Variants in TRDMT1 observed in about 807,000 individuals in gnomAD.
The protein encoded by TRDMT1 is tRNA aspartic acid methyltransferase 1, also known as tRNA (cytosine(38)-C(5))-methyltransferase.
In TRDMT1, 49 loss-of-function variants were observed where a neutral mutation model predicts 51.2. That is an observed-to-expected ratio of 0.96 (90% CI 0.76 to 1.21). The LOEUF (loss-of-function observed/expected upper bound fraction) is 1.21. TRDMT1 is among the 50% of genes most tolerant of loss of function. TRDMT1 has a pLI of 0.00. For synonymous variants in TRDMT1, 187 were observed against 164.6 expected (o/e 1.14, Z -1.04); for missense variants, 534 against 462.3 (o/e 1.16, Z -1.42).
chr10:17,184,268 G>A (rs752522395), intron 1 of TRDMT1, among the ~76,000 whole-genome samples: 2 of 151,872 alleles, frequency 1.3e-5, no homozygotes, highest in Non-Finnish European at 1.5e-5. Context: ...AAATGTTTAC[G>A]GTCCTCTTTA....
In TRDMT1 at chr10:17,139,398, G is replaced by A. The variant is rs1837519938; in HGVS notation, c.*9642C>T. On this transcript the variant is annotated 3_prime_UTR_variant, in exon 11 of 11. Coordinates refer to ENST00000377799, the MANE Select transcript of TRDMT1 (RefSeq NM_004412.7). Reference sequence around the variant, plus strand: ...CAACTTATATTGGATCTGATCTTAGGAAAAGGGGAAAGTACATCTTTGTGA... The same window carrying A: ...CAACTTATATTGGATCTGATCTTAGAAAAAGGGGAAAGTACATCTTTGTGA... 6.6e-6 allele frequency among the ~76,000 whole-genome samples: 1 copy of A among 152,164 alleles called. No individual in the cohort carries two copies. Among genetic ancestry groups the A allele is most frequent in the African/African-American group, 2.4e-5 (1 of 41,438 alleles).
intron 3 of TRDMT1, among the ~76,000 whole-genome samples, chr10:17,164,484 C>T (rs1840883009): frequency 6.6e-6 from 1 of 152,174 alleles, no homozygotes; most frequent in Admixed American, 6.5e-5. Flanking sequence ...TCTCTCATCA[C>T]TTCTATTCAA....
chr10:17,174,599 T>C lies in TRDMT1; in HGVS notation c.126A>G (p.Val42=), dbSNP rs376716923. The change falls in exon 2 of 11, where the codon GTA becomes GTG. Residue 42 remains valine (V), a synonymous_variant. Transcript: ENST00000377799. ...GTGTGTGAGGAAAATTATACTTGTA[T>C]ACTTCATTAGCGACAGTGTTGACAT... ...AIDVNTVANE[V]YKYNFPHTQL... 4 of 1,614,006 alleles carry C rather than the reference T, an allele frequency of 2.5e-6. No individual in the cohort carries two copies. In the African/African-American group the frequency reaches 5.3e-5, roughly 22 times the overall value.
intron 8 of TRDMT1, among the ~76,000 whole-genome samples, chr10:17,155,428 G>C (rs890419108): frequency 7.2e-5 from 11 of 152,086 alleles, no homozygotes; most frequent in Non-Finnish European, 1.3e-4. Context: ...TTGTACAGGT[G>C]AAAAGAAATT....
chr10:17,154,951 G>A (rs1839291686), intron 8 of TRDMT1, among the ~76,000 whole-genome samples: 1 of 152,170 alleles, frequency 6.6e-6, no homozygotes, highest in East Asian at 1.9e-4. Flanking sequence ...CGGGCACAGT[G>A]GCTAATGTCT....
intron 1 of TRDMT1, among the ~76,000 whole-genome samples, chr10:17,193,181 T>G (rs1322893905): frequency 6.6e-6 from 1 of 152,136 alleles, no homozygotes; most frequent in African/African-American, 2.4e-5. Flanking sequence ...CTGGCCAACA[T>G]GGTGAAACCC....
At chr10:17,164,792 C>A (rs1347765495) in intron 3 of TRDMT1, among the ~76,000 whole-genome samples, 1 of 152,050 alleles carries the variant, frequency 6.6e-6, no homozygotes, top group Non-Finnish European at 1.5e-5. Context: ...GAATAAAATA[C>A]CTAGGAATCC....
Position 17,146,393 on chromosome 10 carries a change from C to G in TRDMT1, c.*2647G>C. On this transcript the variant is annotated 3_prime_UTR_variant, in exon 11 of 11. Coordinates refer to ENST00000377799, the MANE Select transcript of TRDMT1 (RefSeq NM_004412.7). ...CTCTGTGAAGGTGATGCCATCATTC[C>G]TCTTTCTTGCCTGCCACTGAGGATT... is the stretch of plus-strand genomic sequence containing the variant. The G allele has an allele frequency of 1.0e-6, 1 of 985,426 alleles. No individual in the cohort carries two copies. The highest frequency in any genetic ancestry group is 1.2e-6 in the Non-Finnish European group (1 of 829,938). 61.0% of individuals were successfully genotyped at this position (985,426 alleles called of 1,614,324 possible). A position where few individuals can be genotyped will look rare whatever the true frequency, so the allele number is the denominator to read the frequency against.
intron 9 of TRDMT1, 111 bp from the exon 10 acceptor site, chr10:17,153,747 G>T: frequency 8.7e-7 from 1 of 1,143,374 alleles, no homozygotes; most frequent in Non-Finnish European, 1.2e-6. Context: ...GTAACACACA[G>T]TGGCAAAGTG....
intron 9 of TRDMT1, among the ~76,000 whole-genome samples, chr10:17,154,101 T>C (rs1165952151): frequency 2.6e-5 from 4 of 152,162 alleles, no homozygotes; most frequent in Non-Finnish European, 5.9e-5. Context: ...AGATATTCAA[T>C]TGCCTATAAC....
intron 3 of TRDMT1, among the ~76,000 whole-genome samples, chr10:17,162,923 T>A (rs938216578): frequency 1.3e-5 from 2 of 152,218 alleles, no homozygotes; most frequent in African/African-American, 4.8e-5. Context: ...AAAATCACTA[T>A]GTTTAGGAAA....
chr10:17,188,260 T>C (rs148436739), intron 1 of TRDMT1, among the ~76,000 whole-genome samples: 101 of 152,328 alleles, frequency 6.6e-4, no homozygotes, highest in Non-Finnish European at 1.1e-3. Context: ...TTTATAAAGA[T>C]ATAATTCCAG....
At chr10:17,177,657 T>C (rs10904894) in intron 1 of TRDMT1, among the ~76,000 whole-genome samples, 63,307 of 151,638 alleles carry the variant, frequency 0.42, 15,223 homozygotes, top group South Asian at 0.57. Context: ...GAAATGTCAC[T>C]GAGGATACAT....
Position 17,146,876 on chromosome 10 carries a change from T to C in TRDMT1, c.*2164A>G. On this transcript the variant is annotated 3_prime_UTR_variant, in exon 11 of 11. Transcript: ENST00000377799. ...CTGCTAATTGAATGACACTGGTAGATACATCTTCATTAAGATGTGAGTTTT... is the reference window on the plus strand; with the variant it reads ...CTGCTAATTGAATGACACTGGTAGACACATCTTCATTAAGATGTGAGTTTT... 1.0e-6 allele frequency: 1 copy of C among 984,614 alleles called. No homozygotes were observed. Among genetic ancestry groups the C allele is most frequent in the Non-Finnish European group, 1.2e-6 (1 of 829,594 alleles). The allele number at this position is 984,614 out of a possible 1,614,324, so 61.0% of individuals were successfully genotyped here.
intron 1 of TRDMT1, among the ~76,000 whole-genome samples, chr10:17,195,880 G>A (rs1025852526): frequency 6.6e-6 from 1 of 151,870 alleles, no homozygotes; most frequent in African/African-American, 2.4e-5. Context: ...AGAGTAACTA[G>A]AAGGAAAGAG....
chr10:17,152,814 G>A (rs1288238693), intron 10 of TRDMT1: 4 of 152,506 alleles, frequency 2.6e-5, no homozygotes, highest in Non-Finnish European at 4.4e-5. Context: ...AATGGAATTA[G>A]GCCTTTGACT....
At chr10:17,195,699 C>T (rs1490470372) in intron 1 of TRDMT1, among the ~76,000 whole-genome samples, 2 of 152,070 alleles carry the variant, frequency 1.3e-5, no homozygotes, top group Non-Finnish European at 2.9e-5. Flanking sequence ...ATTCAATTGT[C>T]TAATGGGAAG....
intron 1 of TRDMT1, among the ~76,000 whole-genome samples, chr10:17,192,013 G>C (rs562448800): frequency 6.6e-6 from 1 of 152,178 alleles, no homozygotes; most frequent in Admixed American, 6.5e-5. Context: ...ATTAGTCAGG[G>C]TGTGACACTG....
intron 3 of TRDMT1, among the ~76,000 whole-genome samples, chr10:17,165,236 C>A (rs1841019246): frequency 6.6e-6 from 1 of 152,178 alleles, no homozygotes; most frequent in Non-Finnish European, 1.5e-5. Flanking sequence ...ACTATCTGAT[C>A]TTTGACAAAC....
Sources: gnomAD v4.1 joint callset for allele counts (sites outside exome capture counted in the v4.1 genomes callset) on GRCh38, gnomAD v4.1.1 for gene constraint, MANE v1.5 for transcripts, NCBI Gene and HGNC (gene_info 2026-07-23, HGNC 2026-07-21) for gene names.